Variants in CD72 observed in about 807,000 individuals in gnomAD.
CD72 encodes CD72 molecule, also known as B-cell differentiation antigen CD72.
A neutral mutation model predicts 50.7 loss-of-function variants in CD72; 28 were observed. That is an observed-to-expected ratio of 0.55 (90% CI 0.41 to 0.76). The LOEUF (loss-of-function observed/expected upper bound fraction) is 0.76, where lower values mean the gene tolerates loss of function less well. Among genes scored for constraint, CD72 ranks in the 30% least tolerant of loss-of-function variants. The pLI, the probability that CD72 is intolerant of heterozygous loss-of-function variation, is 0.00. For synonymous variants in CD72, 176 were observed against 171.2 expected (o/e 1.03, Z -0.22); for missense variants, 403 against 420.6 (o/e 0.96, Z 0.37).
intron 1 of CD72, among the ~76,000 whole-genome samples, chr9:35,629,852 A>T (rs929223408): frequency 7.2e-5 from 11 of 152,186 alleles, no homozygotes; most frequent in Admixed American, 2.0e-4. Context: ...GGAGAGCTAG[A>T]TGTTCAGTTC....
intron 7 of CD72, among the ~76,000 whole-genome samples, chr9:35,611,019 A>G (rs2131752668): frequency 6.6e-6 from 1 of 152,304 alleles, no homozygotes; most frequent in Admixed American, 6.5e-5. Flanking sequence ...TGGGAGGCCA[A>G]GGCGGGTGGA....
exon 1 of CD72, chr9:35,646,593 T>C (rs1313152209): frequency 6.6e-6 from 1 of 152,254 alleles, no homozygotes; most frequent in Non-Finnish European, 1.5e-5. Context: ...GGAACGGCTG[T>C]ACAGGAGAAG....
At chr9:35,638,404 C>A (rs527781449) in intron 1 of CD72, among the ~76,000 whole-genome samples, 2 of 152,140 alleles carry the variant, frequency 1.3e-5, no homozygotes, top group Non-Finnish European at 2.9e-5. Flanking sequence ...TATAACCCTT[C>A]TATCACCTCC....
At chr9:35,636,275 T>G (rs1823288930) in intron 1 of CD72, among the ~76,000 whole-genome samples, 1 of 152,174 alleles carries the variant, frequency 6.6e-6, no homozygotes, top group Non-Finnish European at 1.5e-5. Flanking sequence ...AAGTCACCCC[T>G]GGTTGAGAAC....
Position 35,644,667 on chromosome 9 carries a change from A to G in CD72, n.408+1736T>C, listed in dbSNP as rs375655830. On this transcript the variant is annotated intron_variant and non_coding_transcript_variant, in intron 1 of 3. Transcript: ENST00000465754. ...TTTGGCTATATGATTCTAGAAATTT[A>G]TAAGCTAGACAAGGGATCTGATTAA... 8.3e-4 allele frequency among the ~76,000 whole-genome samples: 126 copies of G among 152,338 alleles called. 2 individuals are homozygous for G. The South Asian group carries it at 0.025, about 30-fold the overall frequency.
intron 5 of CD72, among the ~76,000 whole-genome samples, chr9:35,614,069 A>G (rs540675064): frequency 6.6e-6 from 1 of 151,916 alleles, no homozygotes; most frequent in Non-Finnish European, 1.5e-5. Flanking sequence ...GGGTGAGGAG[A>G]TAAGTGGCAC....
intron 1 of CD72, among the ~76,000 whole-genome samples, chr9:35,625,799 C>T (rs944940348): frequency 6.6e-6 from 1 of 152,132 alleles, no homozygotes; most frequent in Non-Finnish European, 1.5e-5. Context: ...CTATCCTTCC[C>T]GTGCTCTATA....
intron 3 of CD72, 146 bp downstream of exon 3, chr9:35,617,030 G>T: frequency 6.8e-7 from 1 of 1,467,240 alleles, no homozygotes; most frequent in Non-Finnish European, 9.0e-7. Flanking sequence ...GGATGAAGGT[G>T]AATGTGGCAC....
intron 1 of CD72, among the ~76,000 whole-genome samples, chr9:35,626,447 G>T (rs889732884): frequency 2.0e-5 from 3 of 152,184 alleles, no homozygotes; most frequent in African/African-American, 7.2e-5. Context: ...ATGTTGAAAT[G>T]ACAACAAAGG....
intron 1 of CD72, chr9:35,642,941 G>C (rs914730004): frequency 6.6e-5 from 10 of 152,138 alleles, no homozygotes; most frequent in African/African-American, 2.4e-4. Flanking sequence ...AATTAACCTT[G>C]CCTTCAAGGT....
Position 35,616,157 on chromosome 9 carries a change from C to T in CD72, c.474G>A (p.Gln158=). 6.2e-7 allele frequency: 1 copy of T among 1,614,162 alleles called. No homozygotes were observed. Among genetic ancestry groups the T allele is most frequent in the Non-Finnish European group, 8.5e-7 (1 of 1,180,038 alleles). ...TQLGQSAEDL[Q]GSRRELAQSQ... is the part of the protein sequence containing the mutation. The stretch of plus-strand genomic sequence containing the variant: ...TCTGCGCCAGCTCTCTCCTGGACCC[C>T]TGCAGATCCTCTGCACTCTGTCCCA... The change falls in exon 5 of 9, where the codon CAG becomes CAA. Residue 158 remains glutamine (Q), a synonymous_variant. Coordinates refer to ENST00000259633, the MANE Select transcript of CD72 (RefSeq NM_001782.3).
intron 4 of CD72, 70 bp downstream of exon 4, chr9:35,616,530 T>G: frequency 7.9e-7 from 1 of 1,269,334 alleles, no homozygotes; most frequent in Non-Finnish European, 1.2e-6. Context: ...CTGAGGAAGA[T>G]CAGCTTTGGG....
chr9:35,641,164 G>T (rs1023838469), intron 1 of CD72, among the ~76,000 whole-genome samples: 1 of 151,848 alleles, frequency 6.6e-6, no homozygotes, highest in Non-Finnish European at 1.5e-5. Flanking sequence ...CATAGTAGGG[G>T]TTGCACAGTT....
At chr9:35,634,534 G>A (rs1044432431) in intron 1 of CD72, among the ~76,000 whole-genome samples, 1 of 152,144 alleles carries the variant, frequency 6.6e-6, no homozygotes, top group Non-Finnish European at 1.5e-5. Flanking sequence ...TGTATTTTTA[G>A]TAGAGACAGG....
intron 5 of CD72, 62 bp from the exon 6 acceptor site, chr9:35,613,055 C>A (rs995617216): frequency 2.2e-6 from 3 of 1,388,102 alleles, no homozygotes; most frequent in South Asian, 1.3e-5. Flanking sequence ...ACTCAGCAAT[C>A]TTTTGCTAAC....
chr9:35,620,182 C>T (rs1343065485), upstream of CD72, among the ~76,000 whole-genome samples: 1 of 152,074 alleles, frequency 6.6e-6, no homozygotes, highest in Non-Finnish European at 1.5e-5. Flanking sequence ...TAGAATGTCC[C>T]AGTTTTCAGA....
intron 1 of CD72, 50 bp downstream of exon 1, chr9:35,618,172 G>A (rs1192216762): frequency 6.2e-7 from 1 of 1,606,298 alleles, no homozygotes; most frequent in Non-Finnish European, 8.5e-7. Flanking sequence ...TGGGATCTGT[G>A]GGGCGGGAAG....
chr9:35,641,968 T>G (rs1823344188), intron 1 of CD72, among the ~76,000 whole-genome samples: 1 of 152,208 alleles, frequency 6.6e-6, no homozygotes, highest in South Asian at 2.1e-4. Context: ...TGTATATATA[T>G]TTACCCTTTT....
At chr9:35,643,049 C>T (rs906456319) in intron 1 of CD72, 2 of 152,218 alleles carry the variant, frequency 1.3e-5, no homozygotes, top group African/African-American at 4.8e-5. Flanking sequence ...GTCTCCAGCA[C>T]ACAAAAACTT....
Sources: gnomAD v4.1 joint callset for allele counts (sites outside exome capture counted in the v4.1 genomes callset) on GRCh38, gnomAD v4.1.1 for gene constraint, MANE v1.5 for transcripts, NCBI Gene and HGNC (gene_info 2026-07-23, HGNC 2026-07-21) for gene names.